WNK2: variants seen among roughly 807,000 people sequenced by gnomAD.
WNK2 encodes WNK lysine deficient protein kinase 2, also known as serine/threonine-protein kinase WNK2.
Under a neutral mutation model 192.1 loss-of-function variants are expected in WNK2, and 67 were observed. The observed-to-expected ratio is 0.35, with a 90% confidence interval of 0.29 to 0.43. WNK2 has a LOEUF of 0.43. WNK2 is among the 20% of genes least tolerant of loss of function. The pLI is 1.00. For synonymous variants in WNK2, 1,439 were observed against 1,393.9 expected (o/e 1.03, Z -0.72); for missense variants, 2,698 against 3,089.7 (o/e 0.87, Z 3.01).
chr9:93,199,877 G>A (rs1020449133), intron 2 of WNK2, among the ~76,000 whole-genome samples: 4 of 108,910 alleles, frequency 3.7e-5, no homozygotes, highest in Non-Finnish European at 6.0e-5. Flanking sequence ...CAGCCTGGGC[G>A]ACAGAGCAAG....
Position 93,289,572 on chromosome 9 carries a change from A to C in WNK2, c.4818A>C (p.Pro1606=). The change falls in exon 20 of 30, where the codon CCA becomes CCC. Residue 1606 remains proline (P), a synonymous_variant. Transcript: ENST00000427277. ...EVCGGDLALP[P]VPKEAVSGRV... ...GCGGGGGGGACCTGGCCCTGCCCCC[A>C]GTGCCTAAGGAGGCGGTCTCAGGGC... The C allele has an allele frequency of 6.5e-7, 1 of 1,535,580 alleles. No individual in the cohort carries two copies. The highest frequency in any genetic ancestry group is 8.8e-7 in the Non-Finnish European group (1 of 1,142,078).
intron 28 of WNK2, chr9:93,316,015 C>T (rs899559906): frequency 2.0e-5 from 3 of 152,020 alleles, no homozygotes; most frequent in African/African-American, 7.2e-5. Flanking sequence ...TGTTTTTTTC[C>T]TCTCTGCATA....
chr9:93,185,448 C>G lies in WNK2; in HGVS notation c.519C>G (p.Pro173=), dbSNP rs773293444. 8 of 1,612,360 alleles carry G rather than the reference C, an allele frequency of 5.0e-6. No individual in the cohort carries two copies. The highest frequency in any genetic ancestry group is 6.8e-6 in the Non-Finnish European group (8 of 1,179,672). Residue 173 remains proline, a synonymous_variant, in exon 2 of 30, where the codon CCC becomes CCG. Transcript: ENST00000427277. ...PEPGRTRRDE[P]EEEEDDEDDL... is the part of the protein sequence containing the mutation. ...CCGGGCGCACTCGCCGGGACGAGCC[C>G]GAAGAGGAGGAGGACGACGAGGACG...
rs1409658019 is a variant in WNK2 at position 93,184,174 on chromosome 9, G to T, written c.-214G>T. Among the ~76,000 whole-genome samples the T allele has an allele frequency of 6.7e-6, 1 of 149,552 alleles. No homozygotes were observed. The highest frequency in any genetic ancestry group is 1.5e-5 in the Non-Finnish European group (1 of 67,152). On this transcript the variant is annotated 5_prime_UTR_variant, in exon 1 of 30. Transcript: ENST00000427277. The stretch of plus-strand genomic sequence containing the variant: ...GCCGGGTCGGAGCCGGTGCGGGAGC[G>T]GAGCCGCGCGAAGCCGGCAGGAGCA...
At chr9:93,222,757 A>G (rs1423057079) in intron 2 of WNK2, among the ~76,000 whole-genome samples, 1 of 150,940 alleles carries the variant, frequency 6.6e-6, no homozygotes, top group East Asian at 2.0e-4. Context: ...ATCTCGGCTC[A>G]CTACAACCTC....
At chr9:93,188,682 C>A (rs1278460718) in intron 2 of WNK2, among the ~76,000 whole-genome samples, 3 of 152,210 alleles carry the variant, frequency 2.0e-5, no homozygotes, top group African/African-American at 7.2e-5. Flanking sequence ...CCCACAGACC[C>A]CTGTACTGTC....
At chr9:93,211,230 T>C (rs1834543032) in intron 2 of WNK2, among the ~76,000 whole-genome samples, 1 of 127,550 alleles carries the variant, frequency 7.8e-6, no homozygotes, top group Non-Finnish European at 1.6e-5. Context: ...ATCCACTCAC[T>C]CACTCACTCA....
intron 12 of WNK2, among the ~76,000 whole-genome samples, chr9:93,260,986 G>A (rs959606558): frequency 1.7e-4 from 26 of 152,182 alleles, no homozygotes; most frequent in African/African-American, 6.3e-4. Context: ...CTCAGTGGCT[G>A]TCCCTGCTGT....
intron 8 of WNK2, among the ~76,000 whole-genome samples, chr9:93,250,663 C>G (rs545492567): frequency 6.6e-6 from 1 of 152,202 alleles, no homozygotes; most frequent in Non-Finnish European, 1.5e-5. Flanking sequence ...GTGTCCTGAC[C>G]AAGCGGGGGC....
Position 93,259,110 on chromosome 9 carries a change from G to C in WNK2, c.2562G>C (p.Leu854Phe), listed in dbSNP as rs781211295. ...AAPLPPASPALPLQAVKLPHP... is the reference protein window; with the variant it reads ...AAPLPPASPAFPLQAVKLPHP... ...CACTCCCCCCTGCGTCCCCAGCCTT[G>C]CCTCTGCAGGCTGTGAAGCTGCCCC... The change falls in exon 12 of 30, where the codon TTG becomes TTC. Residue 854 changes from leucine (L) to phenylalanine (F), a missense_variant. By Grantham distance (22) the Leu-to-Phe change is conservative. Around this residue, in one of 7 missense-constraint regions of WNK2, gnomAD observed 893 missense variants for 909.0 expected, o/e 0.98. Transcript: ENST00000427277. The surrounding 1 kb of genome is among the most constrained non-coding windows in gnomAD (Gnocchi z 4.8). 1.3e-5 allele frequency: 21 copies of C among 1,611,318 alleles called. No homozygotes were observed. The Admixed American group carries it at 1.7e-4, about 13-fold the overall frequency.
chr9:93,267,309 CCTG>C (rs1845321169), intron 16 of WNK2: 1 of 160,880 alleles, frequency 6.2e-6, no homozygotes, highest in East Asian at 1.8e-4. Context: ...CCCACAACCT[CCTG>C]CTGGCTGGAA....
In WNK2 at chr9:93,258,937, C is replaced by T. The variant is rs138405197; in HGVS notation, c.2389C>T (p.Pro797Ser). 5.0e-6 allele frequency: 8 copies of T among 1,611,030 alleles called. No homozygotes were observed. Among genetic ancestry groups the T allele is most frequent in the Non-Finnish European group, 6.8e-6 (8 of 1,178,660 alleles). The change falls in exon 12 of 30, where the codon CCG (proline) becomes TCG (serine). Residue 797 changes from proline (P) to serine (S), a missense_variant. Pro to Ser is a moderately conservative substitution (Grantham distance 74). Transcript: ENST00000427277. ...ACTCCTGTGTCTCTTTCAGATGCCC[C>T]CGATTCCTGTTGTGCCCCCCATCAC... ...PLAQVPPQMP[P>S]IPVVPPITPL...
At chr9:93,209,804 C>T (rs907431621) in intron 2 of WNK2, among the ~76,000 whole-genome samples, 7 of 152,150 alleles carry the variant, frequency 4.6e-5, no homozygotes, top group Non-Finnish European at 1.0e-4. Flanking sequence ...CCGCCCTTCC[C>T]CCAGGATCCC....
chr9:93,318,795 G>A, intron 29 of WNK2: 1 of 1,411,790 alleles, frequency 7.1e-7, no homozygotes, highest in Non-Finnish European at 9.2e-7. Context: ...ATTTCAGTGG[G>A]ACTCGTCCCC....
At chr9:93,294,286 G>T (rs535945496) in intron 23 of WNK2, among the ~76,000 whole-genome samples, 3 of 152,202 alleles carry the variant, frequency 2.0e-5, no homozygotes, top group African/African-American at 7.2e-5. Context: ...CTCTGTGTTC[G>T]TGGAGAACTG....
At chr9:93,269,426 T>C (rs1205665043) in intron 19 of WNK2, among the ~76,000 whole-genome samples, 2 of 152,232 alleles carry the variant, frequency 1.3e-5, no homozygotes, top group African/African-American at 4.8e-5. Flanking sequence ...TTTAATTTTA[T>C]GTCATGTGCT....
At chr9:93,320,232 C>T in intron 29 of WNK2, 135 bp from the exon 30 acceptor site, 1 of 952,110 alleles carries the variant, frequency 1.1e-6, no homozygotes, top group South Asian at 1.4e-5. Flanking sequence ...AGACCATCTA[C>T]ACAGGGCGTG....
Position 93,300,306 on chromosome 9 carries a change from G to A in WNK2, c.6214+157G>A, listed in dbSNP as rs139624005. ...ATATCAAAGTGGAACCCCATGAGCC[G>A]GTCCCCTGGAGCGGCGGCCGCCAGC... On this transcript the variant is annotated intron_variant, in intron 26 of 29. Transcript: ENST00000427277. 1.1e-3 allele frequency: 663 copies of A among 604,892 alleles called. 4 individuals are homozygous for A. The African/African-American group carries it at 0.012, about 11-fold the overall frequency. The allele number at this position is 604,892 out of a possible 1,614,324, so 37.5% of individuals were successfully genotyped here. A position where few individuals can be genotyped will look rare whatever the true frequency, so the allele number is the denominator to read the frequency against.
At chr9:93,306,588 G>A (rs1247902120) in intron 26 of WNK2, 189 bp from the exon 27 acceptor site, 8 of 665,842 alleles carry the variant, frequency 1.2e-5, no homozygotes, top group African/African-American at 9.1e-5. Context: ...GGCGAAGCTC[G>A]TGGGAGCCTG....
Sources: gnomAD v4.1 joint callset for allele counts (sites outside exome capture counted in the v4.1 genomes callset) on GRCh38, gnomAD v4.1.1 for gene constraint, gnomAD v4.1.1 regional missense constraint, Gnocchi (gnomAD v3.1) non-coding constraint, MANE v1.5 for transcripts, NCBI Gene and HGNC (gene_info 2026-07-23, HGNC 2026-07-21) for gene names.